Variants in ECT2 observed in about 807,000 individuals in gnomAD.
ECT2 encodes the protein epithelial cell transforming 2, also known as protein ECT2.
Under a neutral mutation model 116.9 loss-of-function variants are expected in ECT2, and 61 were observed. The ratio of observed to expected loss-of-function variants is 0.52; its 90% confidence interval spans 0.42 to 0.65. ECT2 has a LOEUF of 0.65. Ranked by LOEUF, ECT2 falls within the 30% of genes least tolerant of loss-of-function variation. ECT2 has a pLI of 0.00. For missense variants in ECT2, 937 were observed against 1,078.7 expected (o/e 0.87, Z 1.84); for synonymous variants, 358 against 346.4 (o/e 1.03, Z -0.37).
At chr3:172,760,116 A>G (rs1717930898) in intron 6 of ECT2, 40 bp from the exon 7 acceptor site, 1 of 1,418,940 alleles carries the variant, frequency 7.0e-7, no homozygotes, top group Admixed American at 2.1e-5. Context: ...TTTTGTTCAA[A>G]TTAACCATAA....
At position 172,759,015 on chromosome 3, in the gene ECT2, A is replaced by G. The variant is rs1309700622; in HGVS notation, c.522A>G (p.Thr174=). The change falls in exon 6 of 25, where the codon ACA becomes ACG. Residue 174 remains threonine (T), a synonymous_variant. Coordinates refer to ENST00000392692, the MANE Select transcript of ECT2 (RefSeq NM_001258315.2). ...TTTCATGTCGCCCGTTGTATTGTAC[A>G]AGTATGATGAATCTAGTACTATGCT... is the stretch of plus-strand genomic sequence containing the variant. ...LPFSCRPLYC[T]SMMNLVLCFT... 2 of 1,611,732 alleles carry G rather than the reference A, an allele frequency of 1.2e-6. No individual in the cohort carries two copies. Among genetic ancestry groups the G allele is most frequent in the African/African-American group, 1.3e-5 (1 of 74,922 alleles).
Position 172,816,782 on chromosome 3 carries a change from C to G in ECT2, c.2600C>G (p.Pro867Arg). 6.2e-7 allele frequency: 1 copy of G among 1,610,494 alleles called. No homozygotes were observed. The highest frequency in any genetic ancestry group is 8.5e-7 in the Non-Finnish European group (1 of 1,177,590). Residue 867 changes from proline (P) to arginine (R), a missense_variant, in exon 24 of 25, where the codon CCT becomes CGT. Pro to Arg is a moderately radical substitution (Grantham distance 103). Coordinates refer to ENST00000392692, the MANE Select transcript of ECT2 (RefSeq NM_001258315.2). ...TSHGSVEGRS[P>R]SSNDKHVMSR... The stretch of plus-strand genomic sequence containing the variant: ...CACGGCTCAGTGGAGGGAAGAAGTC[C>G]TTCCAGCAATGATAAGCATGTAATG...
At chr3:172,815,830 G>T in intron 23 of ECT2, 119 bp downstream of exon 23, 1 of 684,572 alleles carries the variant, frequency 1.5e-6, no homozygotes, top group Non-Finnish European at 2.5e-6. Context: ...CTGTTCTTCG[G>T]TTCTAGGAAA....
At chr3:172,795,535 T>A (rs144380771) in intron 18 of ECT2, among the ~76,000 whole-genome samples, 457 of 152,260 alleles carry the variant, frequency 3.0e-3, no homozygotes, top group Non-Finnish European at 4.8e-3. Flanking sequence ...TTTGAGTTAT[T>A]TACAACATAC....
chr3:172,784,761 C>A lies in ECT2; in HGVS notation c.1783C>A (p.Arg595=). 2 of 1,613,274 alleles carry A rather than the reference C, an allele frequency of 1.2e-6. No individual in the cohort carries two copies. Among genetic ancestry groups the A allele is most frequent in the Non-Finnish European group, 1.7e-6 (2 of 1,179,350 alleles). Residue 595 remains arginine, a synonymous_variant, in exon 17 of 25, where the codon CGA becomes AGA. Transcript: ENST00000392692. ...GCAGAGCCTTGTTGAACTTCTTATC[C>A]GACCAGTACAGAGGTTACCCAGTGT... ...GRQSLVELLI[R]PVQRLPSVAL...
At chr3:172,759,141 T>C (rs1444146570) in intron 6 of ECT2, 72 bp downstream of exon 6, 5 of 1,043,988 alleles carry the variant, frequency 4.8e-6, no homozygotes, top group Non-Finnish European at 7.0e-6. Flanking sequence ...TTTTTTTCTT[T>C]TTAGTATTAT....
At chr3:172,811,181 A>G (rs1577033427) in intron 22 of ECT2, among the ~76,000 whole-genome samples, 2 of 152,260 alleles carry the variant, frequency 1.3e-5, no homozygotes. Context: ...GAAATAGACT[A>G]AAAAGCAGAA....
Position 172,807,596 on chromosome 3 carries a change from TACTTCA to T in ECT2, c.2246-169_2246-164del, listed in dbSNP as rs374329821. 8.1e-4 allele frequency: 510 copies of T among 632,996 alleles called. 2 individuals are homozygous for T. The African/African-American group carries it at 8.6e-3, about 11-fold the overall frequency. The allele number at this position is 632,996 out of a possible 1,614,324, so 39.2% of individuals were successfully genotyped here. On this transcript the variant is annotated intron_variant, in intron 21 of 24. Transcript: ENST00000392692. Reference sequence around the variant, plus strand: ...GTGGTATACTATATTGTGTTTTCAGTACTTCAACTTAATATGGTGATGTTCTTTGTC... The same window carrying T: ...GTGGTATACTATATTGTGTTTTCAGTACTTAATATGGTGATGTTCTTTGTC...
intron 23 of ECT2, among the ~76,000 whole-genome samples, chr3:172,816,455 T>G (rs1233813156): frequency 1.3e-5 from 2 of 152,082 alleles, no homozygotes; most frequent in Non-Finnish European, 2.9e-5. Flanking sequence ...TTAGGTCTCT[T>G]CTCTCCCAGG....
At chr3:172,764,877 G>T (rs1360733608) in intron 12 of ECT2, among the ~76,000 whole-genome samples, 1 of 152,188 alleles carries the variant, frequency 6.6e-6, no homozygotes, top group Non-Finnish European at 1.5e-5. Flanking sequence ...AAAATAGGTA[G>T]AATGAAGTCA....
chr3:172,758,378 A>G (rs73880262), intron 5 of ECT2, among the ~76,000 whole-genome samples: 8,923 of 152,168 alleles, frequency 0.059, 869 homozygotes, highest in African/African-American at 0.2. Flanking sequence ...AACCCAAATA[A>G]ACTTTAAAAG....
At chr3:172,794,783 C>T (rs1274990565) in intron 18 of ECT2, among the ~76,000 whole-genome samples, 4 of 152,126 alleles carry the variant, frequency 2.6e-5, no homozygotes, top group South Asian at 4.1e-4. Context: ...GGCACGGTCT[C>T]GGCTCACTGC....
intron 24 of ECT2, among the ~76,000 whole-genome samples, chr3:172,819,550 T>C (rs1730380497): frequency 6.6e-6 from 1 of 152,058 alleles, no homozygotes; most frequent in East Asian, 1.9e-4. Flanking sequence ...CTTGCTAAGT[T>C]GCCCAGTCTG....
At chr3:172,774,614 C>T (rs1037828847) in intron 14 of ECT2, among the ~76,000 whole-genome samples, 2 of 152,074 alleles carry the variant, frequency 1.3e-5, no homozygotes, top group Non-Finnish European at 2.9e-5. Context: ...CTCAGCCTCT[C>T]CCGAAGTAAC....
chr3:172,802,819 G>GAT, intron 19 of ECT2, 42 bp from the exon 20 acceptor site: 1 of 1,576,912 alleles, frequency 6.3e-7, no homozygotes, highest in Non-Finnish European at 8.6e-7. Context: ...AAAATTACTT[G>GAT]ATACCAAGTG....
intron 18 of ECT2, among the ~76,000 whole-genome samples, chr3:172,791,357 G>A (rs528217662): frequency 1.3e-5 from 2 of 152,340 alleles, no homozygotes; most frequent in African/African-American, 2.4e-5. Context: ...TTGAAGCTCT[G>A]AAACCAGGTA....
chr3:172,823,476 T>TA (rs1730769498), downstream of ECT2, among the ~76,000 whole-genome samples: 1 of 152,188 alleles, frequency 6.6e-6, no homozygotes, highest in Non-Finnish European at 1.5e-5. Flanking sequence ...GGTGGGGCTG[T>TA]AGGTAAATGT....
At position 172,776,905 on chromosome 3, in the gene ECT2, C is replaced by T. The variant is rs115518023; in HGVS notation, c.1548+2883C>T. 8.9e-3 allele frequency among the ~76,000 whole-genome samples: 1,337 copies of T among 150,386 alleles called. 27 individuals carry two copies. The highest frequency in any genetic ancestry group is 0.031 in the African/African-American group (1,281 of 40,900). ...TTTTTTTCTTTTTGCGACAAAGTCT[C>T]GCTCTGTTGCTCAGGCTGGAGTGCA... On this transcript the variant is annotated intron_variant, in intron 14 of 24. Coordinates refer to ENST00000392692, the MANE Select transcript of ECT2 (RefSeq NM_001258315.2).
At chr3:172,805,059 A>G (rs1188851151) in intron 20 of ECT2, among the ~76,000 whole-genome samples, 1 of 152,128 alleles carries the variant, frequency 6.6e-6, no homozygotes, top group Non-Finnish European at 1.5e-5. Context: ...TAGGAAAAAT[A>G]AACAAAACTC....
Sources: allele counts gnomAD v4.1 joint callset (sites outside exome capture counted in the v4.1 genomes callset), GRCh38; gene constraint gnomAD v4.1.1; transcripts MANE v1.5; gene names NCBI Gene and HGNC (gene_info 2026-07-23, HGNC 2026-07-21).